The following TRMT11 variants were observed in gnomAD, a reference collection of about 807,000 sequenced individuals.
TRMT11 encodes tRNA methyltransferase 11, also known as tRNA (guanine(10)-N(2))-methyltransferase TRMT11.
In TRMT11, 53 loss-of-function variants were observed where a neutral mutation model predicts 62.8. The ratio of observed to expected loss-of-function variants is 0.84; its 90% CI spans 0.68 to 1.06. The LOEUF (loss-of-function observed/expected upper bound fraction) is 1.06, where lower values mean the gene tolerates loss of function less well. TRMT11 is among the 50% of genes least tolerant of loss of function. The probability of loss-of-function intolerance (pLI) is 0.00; values close to 1 mark genes in which losing one functional copy is unlikely to be tolerated. For synonymous variants in TRMT11, 188 were observed against 190.3 expected (o/e 0.99, Z 0.10); for missense variants, 556 against 553.4 (o/e 1.00, Z -0.05).
chr6:126,103,526 T>C (rs1042233646), intron 17 of TRMT11, among the ~76,000 whole-genome samples: 1 of 152,244 alleles, frequency 6.6e-6, no homozygotes, highest in Admixed American at 6.5e-5. Context: ...AACGTGTTAG[T>C]TGAGGCTCAG....
intron 17 of TRMT11, among the ~76,000 whole-genome samples, chr6:126,102,407 C>T (rs1205879904): frequency 6.6e-6 from 1 of 151,966 alleles, no homozygotes; most frequent in Non-Finnish European, 1.5e-5. Context: ...CCACCCACCG[C>T]AGTCCCCAGC....
chr6:126,041,428 T>C (rs926192556), downstream of TRMT11, among the ~76,000 whole-genome samples: 4 of 152,130 alleles, frequency 2.6e-5, no homozygotes, highest in Non-Finnish European at 5.9e-5. Context: ...TAGATGCCAA[T>C]ATAAGCAACT....
chr6:126,191,718 A>G (rs762702342), intron 1 of TRMT11, among the ~76,000 whole-genome samples: 1 of 151,906 alleles, frequency 6.6e-6, no homozygotes, highest in Non-Finnish European at 1.5e-5. Context: ...TCTACAATGT[A>G]TGTTCTTGGT....
At chr6:126,003,760 G>A (rs368082162) in intron 7 of TRMT11, among the ~76,000 whole-genome samples, 27 of 151,898 alleles carry the variant, frequency 1.8e-4, no homozygotes, top group African/African-American at 6.3e-4. Flanking sequence ...TCCTTTGTAA[G>A]CTTGAGATAC....
chr6:126,208,418 T>A (rs931183364), downstream of TRMT11, among the ~76,000 whole-genome samples: 13 of 152,192 alleles, frequency 8.5e-5, no homozygotes, highest in Non-Finnish European at 1.8e-4. Flanking sequence ...CACTTCCAAT[T>A]GAGTTAAATA....
chr6:125,987,105 T>A (rs1456885101), intron 1 of TRMT11: 1 of 159,398 alleles, frequency 6.3e-6, no homozygotes, highest in African/African-American at 2.4e-5. Context: ...GCTGGGCATG[T>A]AACGATGATG....
At chr6:125,995,697 C>G (rs1011562893) in intron 2 of TRMT11, among the ~76,000 whole-genome samples, 2 of 152,068 alleles carry the variant, frequency 1.3e-5, no homozygotes, top group Non-Finnish European at 2.9e-5. Context: ...GCATTAATTC[C>G]TTTCGTAAAG....
chr6:126,066,138 C>G (rs966285898), intron 17 of TRMT11, among the ~76,000 whole-genome samples: 1 of 152,192 alleles, frequency 6.6e-6, no homozygotes, highest in African/African-American at 2.4e-5. Flanking sequence ...AGGAAACCCT[C>G]TAGAAGAAAC....
chr6:126,105,363 A>T (rs1398585945), intron 17 of TRMT11, among the ~76,000 whole-genome samples: 1 of 152,210 alleles, frequency 6.6e-6, no homozygotes. Context: ...GAGTGAATTT[A>T]TATGAACCTA....
At chr6:126,183,210 TG>T (rs762982218) in intron 1 of TRMT11, among the ~76,000 whole-genome samples, 1 of 152,156 alleles carries the variant, frequency 6.6e-6, no homozygotes, top group Non-Finnish European at 1.5e-5. Context: ...CATTAGTTCT[TG>T]TGGTCAAAAC....
At chr6:126,239,760 G>T in the TRMT11 span, among the ~76,000 whole-genome samples, 1 of 152,154 alleles carries the variant, frequency 6.6e-6, no homozygotes, top group Non-Finnish European at 1.5e-5. Flanking sequence ...GGCCTGCCTT[G>T]CTAGACTGGG....
At chr6:126,239,437 T>C in the TRMT11 span, among the ~76,000 whole-genome samples, 4 of 152,292 alleles carry the variant, frequency 2.6e-5, no homozygotes, top group East Asian at 7.7e-4. Context: ...TGCTTGTCTA[T>C]AAAGTATTTT....
In TRMT11 at chr6:125,998,142, G is replaced by T; in HGVS notation, c.294+8G>T. The stretch of plus-strand genomic sequence containing the variant: ...TACCCTGTGGAGAAGATGGTGCGTA[G>T]TAAAATGTGGTTTTATATAGGCATG... On this transcript the variant is annotated splice_region_variant and intron_variant, in intron 4 of 12. Coordinates refer to ENST00000334379, the MANE Select transcript of TRMT11 (RefSeq NM_001031712.3). The T allele has an allele frequency of 1.9e-6, 3 of 1,611,782 alleles. No homozygotes were observed. Among genetic ancestry groups the T allele is most frequent in the Non-Finnish European group, 2.5e-6 (3 of 1,177,936 alleles).
In TRMT11 at chr6:126,121,708, A is replaced by G. The variant is rs149711108; in HGVS notation, c.*1823+5853A>G. ...ATCTGGCACACAGATTTAAGTCTCT[A>G]TGCTCATGAGGACAGAGAATCCATC... On this transcript the variant is annotated intron_variant and NMD_transcript_variant, in intron 21 of 22. Coordinates refer to the TRMT11 transcript ENST00000648977. Among the ~76,000 whole-genome samples the G allele has an allele frequency of 5.3e-3, 803 of 152,220 alleles. 10 individuals carry two copies. The highest frequency in any genetic ancestry group is 0.018 in the African/African-American group (756 of 41,558).
At chr6:126,156,854 A>G (rs1778128176) in intron 21 of TRMT11, among the ~76,000 whole-genome samples, 1 of 152,224 alleles carries the variant, frequency 6.6e-6, no homozygotes, top group African/African-American at 2.4e-5. Flanking sequence ...AACAGGCCCC[A>G]TCTCCAACAT....
chr6:126,131,405 A>G (rs1777780411), intron 21 of TRMT11, among the ~76,000 whole-genome samples: 1 of 152,090 alleles, frequency 6.6e-6, no homozygotes, highest in African/African-American at 2.4e-5. Context: ...TGCTCCCCAA[A>G]GAGAGAACTG....
chr6:126,100,810 A>C (rs1407164977), intron 17 of TRMT11, among the ~76,000 whole-genome samples: 1 of 152,198 alleles, frequency 6.6e-6, no homozygotes, highest in Non-Finnish European at 1.5e-5. Context: ...ATAATGAAAT[A>C]ATTATACAAC....
chr6:126,017,355 G>A (rs544326748), intron 11 of TRMT11, among the ~76,000 whole-genome samples: 39 of 152,276 alleles, frequency 2.6e-4, no homozygotes, highest in East Asian at 2.1e-3. Context: ...GCAAAATACT[G>A]CGTAAAAGCT....
intron 17 of TRMT11, among the ~76,000 whole-genome samples, chr6:126,060,302 A>G (rs1052514936): frequency 7.9e-5 from 12 of 152,234 alleles, no homozygotes; most frequent in African/African-American, 2.7e-4. Context: ...TTTTCTCGTA[A>G]GTGATAGCTG....
Sources: gnomAD v4.1 joint callset for allele counts (sites outside exome capture counted in the v4.1 genomes callset) on GRCh38, gnomAD v4.1.1 for gene constraint, MANE v1.5 for transcripts, NCBI Gene and HGNC (gene_info 2026-07-23, HGNC 2026-07-21) for gene names.